Variants in DCTN1 observed in about 807,000 individuals in gnomAD.
The protein encoded by DCTN1 is 150 kDa dynein-associated polypeptide.
In DCTN1, 61 loss-of-function variants were observed where a neutral mutation model predicts 161.2. That is an observed-to-expected ratio of 0.38 (90% CI 0.31 to 0.47). The LOEUF (loss-of-function observed/expected upper bound fraction) is 0.47. Among genes scored for constraint, DCTN1 ranks in the 20% least tolerant of loss-of-function variants. The probability of loss-of-function intolerance (pLI) is 0.99; values close to 1 mark genes in which losing one functional copy is unlikely to be tolerated. For missense variants in DCTN1, 1,404 were observed against 1,623.7 expected (o/e 0.86, Z 2.33); for synonymous variants, 653 against 632.4 (o/e 1.03, Z -0.49).
rs1375845828 is a variant in DCTN1 at position 74,371,771 on chromosome 2, A to T, written c.454-43T>A. ...AGGCAGACCAGAAAGAAAGCAGAGG[A>T]TAGGGGTAGTAAGAGGAACAGAAAC... On this transcript the variant is annotated intron_variant, in intron 7 of 31. Coordinates refer to ENST00000628224, the MANE Select transcript of DCTN1 (RefSeq NM_004082.5). 3 of 1,511,334 alleles carry T rather than the reference A, an allele frequency of 2.0e-6. No individual in the cohort carries two copies. In the South Asian group the frequency reaches 3.5e-5, roughly 18 times the overall value. The allele number at this position is 1,511,334 out of a possible 1,614,324, so 93.6% of individuals were successfully genotyped here. A position where few individuals can be genotyped will look rare whatever the true frequency, so the allele number is the denominator to read the frequency against.
At chr2:74,377,952 G>T in intron 2 of DCTN1, 48 bp downstream of exon 2, 1 of 1,610,406 alleles carries the variant, frequency 6.2e-7, no homozygotes, top group South Asian at 1.1e-5. Context: ...CTGCACATGC[G>T]ACAGACATGT....
At chr2:74,374,985 C>T (rs772847286) in intron 5 of DCTN1, among the ~76,000 whole-genome samples, 24 of 152,214 alleles carry the variant, frequency 1.6e-4, no homozygotes, top group Non-Finnish European at 3.1e-4. Flanking sequence ...TCTCTCTCAT[C>T]ATACTCACAT....
intron 24 of DCTN1, 78 bp downstream of exon 24, chr2:74,365,815 C>A: frequency 6.2e-7 from 1 of 1,613,540 alleles, no homozygotes; most frequent in Non-Finnish European, 8.5e-7. Context: ...CGTCTTGGTC[C>A]CGATCCCCAA....
At chr2:74,364,921 C>T (rs1485435003) in intron 26 of DCTN1, 154 bp downstream of exon 26, 1 of 947,342 alleles carries the variant, frequency 1.1e-6, no homozygotes, top group Non-Finnish European at 1.6e-6. Flanking sequence ...GAAGGGAAAA[C>T]TTGGTGAAAA....
chr2:74,388,492 C>A (rs1243098702), intron 1 of DCTN1, among the ~76,000 whole-genome samples: 1 of 152,236 alleles, frequency 6.6e-6, no homozygotes, highest in South Asian at 2.1e-4. Flanking sequence ...CTTTATGCAT[C>A]TGCAAATGTT....
At chr2:74,382,927 T>C (rs1675574680), upstream of DCTN1, among the ~76,000 whole-genome samples, 1 of 150,158 alleles carries the variant, frequency 6.7e-6, no homozygotes, top group East Asian at 2.0e-4. Flanking sequence ...AAAAAAAAAT[T>C]AGCCGGGCGC....
upstream of DCTN1, chr2:74,380,447 T>C: frequency 2.1e-6 from 1 of 483,738 alleles, no homozygotes. Flanking sequence ...GAATACACTG[T>C]CCTAGGGCTG....
intron 19 of DCTN1, 102 bp from the exon 20 acceptor site, chr2:74,367,209 AGTAG>A: frequency 6.5e-7 from 1 of 1,539,592 alleles, no homozygotes; most frequent in Non-Finnish European, 8.9e-7. Context: ...CCCATACATA[AGTAG>A]GTCCTCTAGT....
At chr2:74,379,728 C>G (rs1675422829) in intron 1 of DCTN1, among the ~76,000 whole-genome samples, 1 of 152,102 alleles carries the variant, frequency 6.6e-6, no homozygotes, top group South Asian at 2.1e-4. Context: ...ATTCTGAGTC[C>G]CCAGGATAGT....
chr2:74,379,977 A>C (rs1231485616), intron 1 of DCTN1, 28 bp downstream of exon 1: 1 of 1,613,118 alleles, frequency 6.2e-7, no homozygotes, highest in South Asian at 1.1e-5. Flanking sequence ...GCAGCCCTCC[A>C]GGGCCATCCC....
Position 74,365,898 on chromosome 2 carries a change from T to C in DCTN1, c.2881A>G (p.Ile961Val). Residue 961 changes from isoleucine to valine, a missense_variant, in exon 24 of 32, where the codon ATT becomes GTT. Ile to Val is a conservative substitution (Grantham distance 29, BLOSUM62 3). This residue lies in a region of DCTN1 where 475 missense variants were observed against 489.8 expected (regional missense o/e 0.97). Transcript: ENST00000628224. ...TGAGCCTACACTACCCTCACCTTAA[T>C]CTTGAGTGACTTCTTCAACTCCTTA... Reference protein sequence around the residue: ...VIKELKKSLKIKGEELSEANV... With the variant: ...VIKELKKSLKVKGEELSEANV... The C allele has an allele frequency of 1.2e-6, 2 of 1,614,212 alleles. No homozygotes were observed. The highest frequency in any genetic ancestry group is 1.7e-6 in the Non-Finnish European group (2 of 1,180,032).
rs779845886 is a variant in DCTN1, at chr2:74,366,840, C to T, written c.2409G>A (p.Arg803=). 3 of 1,614,270 alleles carry T rather than the reference C, an allele frequency of 1.9e-6. No homozygotes were observed. The East Asian group carries it at 6.7e-5, about 36-fold the overall frequency. The change falls in exon 21 of 32, where the codon AGG becomes AGA. Residue 803 remains arginine (R), a synonymous_variant. Transcript: ENST00000628224. ...CAGGAGCATCTGTCCCTGGCATTCG[C>T]CTTCGGATCTTCTTGCAGAACTGGC... is the stretch of plus-strand genomic sequence containing the variant. ...DIRQFCKKIR[R]RMPGTDAPGI...
chr2:74,363,798 C>T (rs1019214674), intron 26 of DCTN1, 170 bp from the exon 27 acceptor site: 25 of 877,614 alleles, frequency 2.8e-5, no homozygotes, highest in Admixed American at 1.2e-4. Flanking sequence ...TCTTTGGGGA[C>T]GAGCAGATAA....
At chr2:74,391,229 C>T (rs1225495596) in intron 1 of DCTN1, 2 of 158,466 alleles carry the variant, frequency 1.3e-5, no homozygotes, top group Non-Finnish European at 2.8e-5. Context: ...GCTCTCCTCA[C>T]TGCAATAAAT....
chr2:74,387,102 C>CTGAAGCTGCTCACACTT (rs1366267522), intron 1 of DCTN1: 4 of 152,444 alleles, frequency 2.6e-5, no homozygotes, highest in African/African-American at 7.2e-5. Flanking sequence ...TACCACTCCA[C>CTGAAGCTGCTCACACTT]TGAAGCTGCT....
chr2:74,376,322 C>T (rs1675221118), intron 5 of DCTN1, among the ~76,000 whole-genome samples: 1 of 152,126 alleles, frequency 6.6e-6, no homozygotes, highest in Non-Finnish European at 1.5e-5. Flanking sequence ...GTTCCCTGAC[C>T]TCCCATCTTC....
chr2:74,372,327 T>C (rs1674925591), intron 7 of DCTN1, among the ~76,000 whole-genome samples: 1 of 152,198 alleles, frequency 6.6e-6, no homozygotes, highest in African/African-American at 2.4e-5. Flanking sequence ...AGGTGAAAGT[T>C]GTACCCCTAG....
rs1675443325 is a variant in DCTN1, at chr2:74,380,081, C to T, written c.-44G>A. 2 of 1,612,510 alleles carry T rather than the reference C, an allele frequency of 1.2e-6. No homozygotes were observed. The highest frequency in any genetic ancestry group is 1.3e-5 in the African/African-American group (1 of 74,984). On this transcript the variant is annotated 5_prime_UTR_variant, in exon 1 of 32. Transcript: ENST00000628224. ...ACCCCCTCCCCCAGCTGGCCAAAGACAGAGAGAAAAGGTAGAAACCTAGGC... is the reference window on the plus strand; with the variant it reads ...ACCCCCTCCCCCAGCTGGCCAAAGATAGAGAGAAAAGGTAGAAACCTAGGC...
chr2:74,389,285 T>C (rs1458323117), intron 1 of DCTN1, among the ~76,000 whole-genome samples: 1 of 152,148 alleles, frequency 6.6e-6, no homozygotes, highest in Non-Finnish European at 1.5e-5. Context: ...GACCTTAATA[T>C]AGATATGAAT....
Sources: allele counts gnomAD v4.1 joint callset (sites outside exome capture counted in the v4.1 genomes callset), GRCh38; gene constraint gnomAD v4.1.1; regional missense constraint gnomAD v4.1.1; transcripts MANE v1.5; gene names NCBI Gene and HGNC (gene_info 2026-07-23, HGNC 2026-07-21).